Variants in PRIM1 observed in about 807,000 individuals in gnomAD.
The protein encoded by PRIM1 is DNA primase subunit 1, also known as DNA primase small subunit.
PRIM1 carries 38 observed loss-of-function variants against 60.2 expected under a neutral mutation model. The observed-to-expected ratio is 0.63, with a 90% CI of 0.49 to 0.83. The LOEUF (loss-of-function observed/expected upper bound fraction) is 0.83, where lower values mean the gene tolerates loss of function less well. Ranked by LOEUF, PRIM1 falls within the 40% of genes least tolerant of loss-of-function variation. The probability of loss-of-function intolerance (pLI) is 0.00; values close to 1 mark genes in which losing one functional copy is unlikely to be tolerated. For missense variants in PRIM1, 388 were observed against 506.2 expected (o/e 0.77, Z 2.24); for synonymous variants, 158 against 160.2 (o/e 0.99, Z 0.10).
intron 11 of PRIM1, among the ~76,000 whole-genome samples, chr12:56,735,754 G>A (rs1351118999): frequency 6.6e-6 from 1 of 151,226 alleles, no homozygotes. Context: ...GGGTTCAAGC[G>A]ATTCTTCTGC....
At chr12:56,739,967 T>A (rs1326053805) in intron 9 of PRIM1, among the ~76,000 whole-genome samples, 1 of 152,014 alleles carries the variant, frequency 6.6e-6, no homozygotes, top group Non-Finnish European at 1.5e-5. Flanking sequence ...TGAAACCCCG[T>A]CTCTACTAAA....
chr12:56,743,869 GT>G, intron 6 of PRIM1, 195 bp downstream of exon 6: 4 of 449,206 alleles, frequency 8.9e-6, no homozygotes, highest in Non-Finnish European at 7.9e-6. Context: ...CTCTTGTGGG[GT>G]TTTTTTGAAG....
intron 9 of PRIM1, among the ~76,000 whole-genome samples, 159 bp downstream of exon 9, chr12:56,741,276 A>T (rs1429596219): frequency 2.0e-5 from 3 of 152,136 alleles, no homozygotes; most frequent in Non-Finnish European, 4.4e-5. Flanking sequence ...GTAGAAACTC[A>T]TCTGGTAGCT....
intron 11 of PRIM1, among the ~76,000 whole-genome samples, chr12:56,734,702 C>T (rs1471158511): frequency 1.3e-5 from 2 of 150,400 alleles, no homozygotes; most frequent in Non-Finnish European, 1.5e-5. Flanking sequence ...TGCCACCATG[C>T]CCAGCTAAAA....
chr12:56,748,147 A>G (rs1458236441), intron 2 of PRIM1, among the ~76,000 whole-genome samples: 1 of 152,180 alleles, frequency 6.6e-6, no homozygotes, highest in Non-Finnish European at 1.5e-5. Flanking sequence ...CAGAGAGCAT[A>G]AAACAGAAGG....
At chr12:56,736,230 G>A (rs1416327860) in intron 11 of PRIM1, among the ~76,000 whole-genome samples, 1 of 135,504 alleles carries the variant, frequency 7.4e-6, no homozygotes, top group African/African-American at 2.8e-5. Flanking sequence ...CCCAGGAGGC[G>A]GAGGTTGCAA....
intron 12 of PRIM1, among the ~76,000 whole-genome samples, chr12:56,733,871 G>A (rs1260933278): frequency 6.6e-6 from 1 of 152,154 alleles, no homozygotes; most frequent in Non-Finnish European, 1.5e-5. Flanking sequence ...GATTACAGGC[G>A]TGAGCCACCG....
At chr12:56,732,229 C>T (rs1184704469) in intron 12 of PRIM1, among the ~76,000 whole-genome samples, 2 of 152,050 alleles carry the variant, frequency 1.3e-5, no homozygotes, top group Non-Finnish European at 2.9e-5. Flanking sequence ...CACTGCTATC[C>T]TCTTTGTGTT....
At chr12:56,745,156 A>C (rs1018413067) in intron 5 of PRIM1, among the ~76,000 whole-genome samples, 8 of 152,072 alleles carry the variant, frequency 5.3e-5, no homozygotes, top group African/African-American at 1.9e-4. Context: ...TCACACCTGT[A>C]ATCTCAGCAT....
intron 1 of PRIM1, 79 bp from the exon 2 acceptor site, chr12:56,751,274 GTT>G: frequency 4.0e-6 from 4 of 998,816 alleles, no homozygotes; most frequent in Non-Finnish European, 4.1e-6. Context: ...CCAATGAGAA[GTT>G]TTTTTTTTCG....
chr12:56,734,249 A>C lies in PRIM1; in HGVS notation c.1145-4T>G. ...GCTAGACTGGTCTTCTTATAATCTAAATTATGAAGAATGTACATTATAATT... is the reference window on the plus strand; with the variant it reads ...GCTAGACTGGTCTTCTTATAATCTACATTATGAAGAATGTACATTATAATT... On this transcript the variant is annotated splice_polypyrimidine_tract_variant and splice_region_variant and intron_variant, in intron 11 of 12. Transcript: ENST00000338193. 1 of 1,505,018 alleles carries C rather than the reference A, an allele frequency of 6.6e-7. No individual in the cohort carries two copies. Among genetic ancestry groups the C allele is most frequent in the Non-Finnish European group, 9.2e-7 (1 of 1,092,212 alleles). The allele number at this position is 1,505,018 out of a possible 1,614,324, so 93.2% of individuals were successfully genotyped here.
chr12:56,749,494 G>C (rs1345618861), intron 2 of PRIM1, among the ~76,000 whole-genome samples: 2 of 152,202 alleles, frequency 1.3e-5, no homozygotes, highest in Non-Finnish European at 2.9e-5. Context: ...GAAGTAGAGA[G>C]TGGCACCCTA....
At chr12:56,734,778 T>TATATATATATATATATATATATA (rs1555228415) in intron 11 of PRIM1, among the ~76,000 whole-genome samples, 2 of 140,290 alleles carry the variant, frequency 1.4e-5, no homozygotes, top group African/African-American at 5.4e-5. Flanking sequence ...TCTTTTATAT[T>TATATATATATATATATATATATA]TATATATATA....
rs1278046326 is a variant in PRIM1, at chr12:56,744,493, CA to C, written c.580-371del. Among the ~76,000 whole-genome samples, 14 of 142,928 alleles carry C rather than the reference CA, an allele frequency of 9.8e-5. No homozygotes were observed. The East Asian group carries it at 1.0e-3, about 10-fold the overall frequency. 93.8% of individuals were successfully genotyped at this position (142,928 alleles called of 152,430 possible). On this transcript the variant is annotated intron_variant, in intron 5 of 12. Transcript: ENST00000338193. ...GGGTGACAAGAGCGAGACTCCATCT[CA>C]AAAAAAAAAGAAAAAGATGGTGGGT...
chr12:56,741,297 C>T (rs1252327987), intron 9 of PRIM1, 138 bp downstream of exon 9: 27 of 923,536 alleles, frequency 2.9e-5, no homozygotes, highest in Non-Finnish European at 4.2e-5. Flanking sequence ...ACTTAACTGA[C>T]TTAGGTATTG....
chr12:56,736,877 C>T (rs960432666), intron 11 of PRIM1, among the ~76,000 whole-genome samples: 3 of 152,062 alleles, frequency 2.0e-5, no homozygotes, highest in Non-Finnish European at 4.4e-5. Flanking sequence ...TCAAGGCTTA[C>T]TGCAGCCTTA....
chr12:56,744,008 A>AAAG, intron 6 of PRIM1, 57 bp downstream of exon 6: 1 of 1,269,898 alleles, frequency 7.9e-7, no homozygotes, highest in Non-Finnish European at 1.1e-6. Context: ...GGTAACTCTA[A>AAAG]AGGCACATGC....
At chr12:56,745,856 T>C (rs1457400412) in intron 5 of PRIM1, among the ~76,000 whole-genome samples, 189 bp downstream of exon 5, 7 of 151,830 alleles carry the variant, frequency 4.6e-5, no homozygotes, top group African/African-American at 1.7e-4. Context: ...GGAGAATTGC[T>C]TGGACCCAGG....
Position 56,751,966 on chromosome 12 carries a change from G to GTTTTT in PRIM1, c.103+225_103+229dup, listed in dbSNP as rs66861394. Among the ~76,000 whole-genome samples the GTTTTT allele has an allele frequency of 4.4e-4, 35 of 79,346 alleles. 1 individual carries two copies. Among genetic ancestry groups the GTTTTT allele is most frequent in the African/African-American group, 1.8e-3 (35 of 19,244 alleles). The allele number at this position is 79,346 out of a possible 152,430, so 52.1% of individuals were successfully genotyped here. A position where few individuals can be genotyped will look rare whatever the true frequency, so the allele number is the denominator to read the frequency against. ...ACGCAGAGGTAGGAGCGGCGGCTCT[G>GTTTTT]TTTTTTTTTTTTTTTTTTTTTTTTT... On this transcript the variant is annotated intron_variant, in intron 1 of 12. Coordinates refer to ENST00000338193, the MANE Select transcript of PRIM1 (RefSeq NM_000946.3).
Sources: gnomAD v4.1 joint callset for allele counts (sites outside exome capture counted in the v4.1 genomes callset) on GRCh38, gnomAD v4.1.1 for gene constraint, MANE v1.5 for transcripts, NCBI Gene and HGNC (gene_info 2026-07-23, HGNC 2026-07-21) for gene names.